NBEAL1: variants seen among roughly 807,000 people sequenced by gnomAD.
NBEAL1 encodes neurobeachin like 1.
Under a neutral mutation model 351.3 loss-of-function variants are expected in NBEAL1, and 273 were observed. That is an observed-to-expected ratio of 0.78 (90% confidence interval 0.70 to 0.86). The LOEUF is 0.86. NBEAL1 is among the 40% of genes least tolerant of loss of function. The probability of loss-of-function intolerance (pLI) is 0.00; values close to 1 mark genes in which losing one functional copy is unlikely to be tolerated. For synonymous variants in NBEAL1, 1,050 were observed against 1,086.4 expected (o/e 0.97, Z 0.66); for missense variants, 2,961 against 3,201.3 (o/e 0.92, Z 1.81).
intron 42 of NBEAL1, among the ~76,000 whole-genome samples, chr2:203,177,950 C>T (rs922576795): frequency 6.6e-6 from 1 of 151,278 alleles, no homozygotes; most frequent in African/African-American, 2.4e-5. Flanking sequence ...ACCCGGGAGG[C>T]GGACATTGCA....
intron 55 of NBEAL1, among the ~76,000 whole-genome samples, chr2:203,216,584 AT>A (rs2065899037): frequency 6.6e-6 from 1 of 152,120 alleles, no homozygotes; most frequent in Non-Finnish European, 1.5e-5. Context: ...CTACAAACAA[AT>A]AAAAAATTAA....
At chr2:203,182,750 G>T (rs1332087794) in intron 43 of NBEAL1, 1 of 152,058 alleles carries the variant, frequency 6.6e-6, no homozygotes, top group Non-Finnish European at 1.5e-5. Context: ...CTGCCATGTT[G>T]TGTAAACAAA....
Position 203,136,061 on chromosome 2 carries a change from T to C in NBEAL1, c.4198T>C (p.Leu1400=). 6.2e-7 allele frequency: 1 copy of C among 1,613,830 alleles called. No homozygotes were observed. The highest frequency in any genetic ancestry group is 1.7e-5 in the Admixed American group (1 of 59,968). Reference sequence around the variant, plus strand: ...ATTCTGGCATAGTAACCCTTCACATTTGAGTTTAGACCTCAGTGGAATTGA... The same window carrying C: ...ATTCTGGCATAGTAACCCTTCACATCTGAGTTTAGACCTCAGTGGAATTGA... The part of the protein sequence containing the change: ...EEFWHSNPSH[L]SLDLSGIDSC... Residue 1400 remains leucine (L), a synonymous_variant, in exon 28 of 56, where the codon TTG becomes CTG. Coordinates refer to ENST00000683969, the MANE Select transcript of NBEAL1 (RefSeq NM_001378026.1).
chr2:203,110,006 G>GT, intron 14 of NBEAL1, 144 bp from the exon 15 acceptor site: 1 of 746,850 alleles, frequency 1.3e-6, no homozygotes, highest in Non-Finnish European at 2.0e-6. Flanking sequence ...TTGAAACAAG[G>GT]TTGGACTTCT....
chr2:203,190,159 TACACACACACACACACAC>T (rs71034227), intron 45 of NBEAL1, 115 bp from the exon 46 acceptor site: 27,193 of 445,882 alleles, frequency 0.061, 917 homozygotes, highest in East Asian at 0.14. Flanking sequence ...AAGATGTGTG[TACACACACACACACACAC>T]ACACACACAC....
At chr2:203,115,957 T>C (rs2062686283) in intron 17 of NBEAL1, 28 bp from the exon 18 acceptor site, 4 of 1,397,024 alleles carry the variant, frequency 2.9e-6, no homozygotes, top group African/African-American at 1.4e-5. Flanking sequence ...TATTCAATGG[T>C]GTGTATGTGT....
chr2:203,166,093 A>G, intron 36 of NBEAL1, 56 bp from the exon 37 acceptor site: 1 of 1,434,340 alleles, frequency 7.0e-7, no homozygotes, highest in Non-Finnish European at 9.3e-7. Flanking sequence ...ATTCTTTTCT[A>G]TTTAAGAAAA....
chr2:203,068,718 T>C (rs967215423), intron 7 of NBEAL1, among the ~76,000 whole-genome samples: 2 of 152,176 alleles, frequency 1.3e-5, no homozygotes, highest in Non-Finnish European at 2.9e-5. Flanking sequence ...GATGGTGGTA[T>C]AGTTTATTTT....
At chr2:203,053,336 A>G (rs750843550) in intron 4 of NBEAL1, among the ~76,000 whole-genome samples, 6 of 152,184 alleles carry the variant, frequency 3.9e-5, no homozygotes, top group Admixed American at 6.5e-5. Flanking sequence ...GATGTTCACC[A>G]TCTTTTCATA....
intron 2 of NBEAL1, among the ~76,000 whole-genome samples, chr2:203,037,048 C>A (rs2061050908): frequency 6.7e-6 from 1 of 149,154 alleles, no homozygotes; most frequent in African/African-American, 2.4e-5. Flanking sequence ...AGAAAATTCT[C>A]ACAAAAGGTA....
chr2:203,140,364 G>A (rs750743029), intron 31 of NBEAL1, among the ~76,000 whole-genome samples: 2 of 151,170 alleles, frequency 1.3e-5, no homozygotes, highest in Admixed American at 6.6e-5. Context: ...TCAGCATAAC[G>A]TAAGAGAAAA....
At chr2:203,123,141 A>AC (rs897902503) in intron 19 of NBEAL1, among the ~76,000 whole-genome samples, 1 of 151,256 alleles carries the variant, frequency 6.6e-6, no homozygotes, top group Non-Finnish European at 1.5e-5. Flanking sequence ...ATCAGGAAAA[A>AC]AAAAAAAACT....
At chr2:203,064,874 T>C (rs1053483042) in intron 6 of NBEAL1, among the ~76,000 whole-genome samples, 6 of 152,176 alleles carry the variant, frequency 3.9e-5, no homozygotes, top group African/African-American at 1.2e-4. Flanking sequence ...AGTTTATAAC[T>C]ATACTGTGGT....
At chr2:203,209,713 A>ATGTG (rs56169732) in intron 53 of NBEAL1, among the ~76,000 whole-genome samples, 1,452 of 138,656 alleles carry the variant, frequency 0.01, 20 homozygotes, top group African/African-American at 0.021. Flanking sequence ...TTTAATTAAT[A>ATGTG]TGTGTGTGTG....
At chr2:203,038,615 C>A (rs2061077058) in intron 2 of NBEAL1, among the ~76,000 whole-genome samples, 1 of 148,876 alleles carries the variant, frequency 6.7e-6, no homozygotes, top group Non-Finnish European at 1.5e-5. Flanking sequence ...TATTTTCAGC[C>A]AGTGTGGTTT....
At chr2:203,159,812 CTG>C (rs1426415445) in intron 36 of NBEAL1, among the ~76,000 whole-genome samples, 1 of 152,016 alleles carries the variant, frequency 6.6e-6, no homozygotes, top group East Asian at 1.9e-4. Context: ...AATTACCAAA[CTG>C]TTTTTTACAG....
chr2:203,112,449 C>T (rs1473152780), intron 16 of NBEAL1, among the ~76,000 whole-genome samples: 1 of 152,146 alleles, frequency 6.6e-6, no homozygotes, highest in Non-Finnish European at 1.5e-5. Context: ...ACTCTTCTAA[C>T]TTGATTATAA....
chr2:203,032,367 G>T (rs181259157), intron 2 of NBEAL1, among the ~76,000 whole-genome samples: 2 of 152,180 alleles, frequency 1.3e-5, no homozygotes, highest in South Asian at 4.1e-4. Context: ...TGTTTAAGAA[G>T]ATAAGAACAG....
chr2:203,165,758 T>C (rs1286132863), intron 36 of NBEAL1, among the ~76,000 whole-genome samples: 2 of 152,138 alleles, frequency 1.3e-5, no homozygotes, highest in Non-Finnish European at 2.9e-5. Context: ...GATTTATATT[T>C]GAGGCCAGGC....
Sources: gnomAD v4.1 joint callset for allele counts (sites outside exome capture counted in the v4.1 genomes callset) on GRCh38, gnomAD v4.1.1 for gene constraint, MANE v1.5 for transcripts, NCBI Gene and HGNC (gene_info 2026-07-23, HGNC 2026-07-21) for gene names.